OXR1: variants seen among roughly 807,000 people sequenced by gnomAD.
OXR1 encodes the protein oxidation resistance 1, also known as oxidation resistance protein 1.
In OXR1, 41 loss-of-function variants were observed where a neutral mutation model predicts 104.6. That is an observed-to-expected ratio of 0.39 (90% CI 0.31 to 0.51). The LOEUF (loss-of-function observed/expected upper bound fraction) is 0.51, where lower values mean the gene tolerates loss of function less well. Ranked by LOEUF, OXR1 falls within the 20% of genes least tolerant of loss-of-function variation. The pLI is 0.77. For missense variants in OXR1, 955 were observed against 1,031.9 expected (o/e 0.93, Z 1.02); for synonymous variants, 348 against 348.4 (o/e 1.00, Z 0.01).
intron 2 of OXR1, among the ~76,000 whole-genome samples, chr8:106,376,286 C>G (rs202247687): frequency 6.6e-6 from 1 of 152,200 alleles, no homozygotes; most frequent in Non-Finnish European, 1.5e-5. Context: ...GGAGGAATAT[C>G]CTCAGATTCA....
At chr8:106,534,416 G>T (rs570451098) in intron 3 of OXR1, among the ~76,000 whole-genome samples, 8 of 152,278 alleles carry the variant, frequency 5.3e-5, no homozygotes, top group African/African-American at 9.6e-5. Flanking sequence ...GTAAGAAAAA[G>T]AATATGGATA....
intron 1 of OXR1, among the ~76,000 whole-genome samples, chr8:106,292,138 C>T (rs1257875197): frequency 6.6e-6 from 1 of 152,140 alleles, no homozygotes; most frequent in Non-Finnish European, 1.5e-5. Flanking sequence ...CCTCAGTTAT[C>T]ATATCTATTG....
intron 3 of OXR1, among the ~76,000 whole-genome samples, chr8:106,614,823 G>A (rs1226825298): frequency 6.6e-6 from 1 of 152,174 alleles, no homozygotes; most frequent in African/African-American, 2.4e-5. Flanking sequence ...GGCAGTGTGT[G>A]TGTGTATGGT....
At chr8:106,609,343 C>CTA (rs1379507839) in intron 3 of OXR1, among the ~76,000 whole-genome samples, 1 of 152,110 alleles carries the variant, frequency 6.6e-6, no homozygotes, top group Non-Finnish European at 1.5e-5. Context: ...AAAGCAAGTG[C>CTA]TATATACACA....
chr8:106,592,811 C>T (rs1277727469), intron 3 of OXR1, among the ~76,000 whole-genome samples: 1 of 152,078 alleles, frequency 6.6e-6, no homozygotes, highest in Non-Finnish European at 1.5e-5. Context: ...ATCAGAGCAC[C>T]AACCTGATTT....
intron 2 of OXR1, among the ~76,000 whole-genome samples, chr8:106,381,218 C>T (rs1817136192): frequency 6.6e-6 from 1 of 152,070 alleles, no homozygotes; most frequent in Non-Finnish European, 1.5e-5. Flanking sequence ...TTATTGGTGA[C>T]ACAGTTTCTC....
At chr8:106,600,451 GAGCAATTCCAGTTGCA>G (rs1262555007) in intron 3 of OXR1, among the ~76,000 whole-genome samples, 3 of 152,094 alleles carry the variant, frequency 2.0e-5, no homozygotes, top group African/African-American at 7.2e-5. Context: ...GCTTCTGTTT[GAGCAATTCCAGTTGCA>G]AGAATTTTGG....
intron 3 of OXR1, among the ~76,000 whole-genome samples, chr8:106,660,387 CTT>C (rs1453275766): frequency 6.6e-6 from 1 of 152,204 alleles, no homozygotes. Context: ...TCTTTCTACT[CTT>C]ATTTCAGTTT....
intron 2 of OXR1, among the ~76,000 whole-genome samples, chr8:106,396,621 C>T (rs1253441749): frequency 6.6e-6 from 1 of 151,922 alleles, no homozygotes; most frequent in Non-Finnish European, 1.5e-5. Context: ...TGGAATGGAC[C>T]CTCAGACAGT....
intron 2 of OXR1, among the ~76,000 whole-genome samples, chr8:106,517,034 T>C (rs1812905838): frequency 6.6e-6 from 1 of 152,168 alleles, no homozygotes; most frequent in Non-Finnish European, 1.5e-5. Context: ...TAAAAGTCAA[T>C]TTCTCATGAA....
intron 3 of OXR1, among the ~76,000 whole-genome samples, chr8:106,579,032 C>A (rs1290383153): frequency 6.8e-6 from 1 of 147,808 alleles, no homozygotes; most frequent in Non-Finnish European, 1.5e-5. Context: ...CCAATACCAC[C>A]TTCTTTATTG....
chr8:106,603,386 A>G (rs1333496934), intron 3 of OXR1, among the ~76,000 whole-genome samples: 2 of 152,218 alleles, frequency 1.3e-5, no homozygotes, highest in Non-Finnish European at 2.9e-5. Flanking sequence ...ATATAAAATA[A>G]AAAGCAAAAA....
rs1459798170 is a variant in OXR1 at position 106,692,886 on chromosome 8, TGACACTTTA to T, written c.675+12_675+20del. 1 of 1,582,466 alleles carries T rather than the reference TGACACTTTA, an allele frequency of 6.3e-7. No individual in the cohort carries two copies. The highest frequency in any genetic ancestry group is 1.4e-5 in the African/African-American group (1 of 73,814). On this transcript the variant is annotated intron_variant, in intron 7 of 16. Coordinates refer to ENST00000517566, the MANE Select transcript of OXR1 (RefSeq NM_001198533.2). ...ATATTACCAGTGGCAAGGTAAAGAA[TGACACTTTA>T]GAGAAGACCTTTAATCATGCTTTAG...
intron 2 of OXR1, among the ~76,000 whole-genome samples, chr8:106,361,921 A>G (rs962818567): frequency 2.8e-4 from 42 of 152,194 alleles, no homozygotes; most frequent in African/African-American, 9.9e-4. Context: ...GTTGTGGAAA[A>G]CTACATGGGA....
At chr8:106,536,907 A>G (rs1284875522) in intron 3 of OXR1, among the ~76,000 whole-genome samples, 2 of 152,210 alleles carry the variant, frequency 1.3e-5, no homozygotes, top group Non-Finnish European at 2.9e-5. Context: ...TCAAATCCAC[A>G]ACATTATCTG....
At chr8:106,420,134 A>C (rs1818844846) in intron 2 of OXR1, among the ~76,000 whole-genome samples, 1 of 152,280 alleles carries the variant, frequency 6.6e-6, no homozygotes, top group South Asian at 2.1e-4. Context: ...TATGAGAGAA[A>C]TTTAACATAT....
At chr8:106,367,364 A>G (rs1279640896) in intron 2 of OXR1, among the ~76,000 whole-genome samples, 2 of 152,056 alleles carry the variant, frequency 1.3e-5, no homozygotes, top group East Asian at 3.9e-4. Context: ...CGCCCGATCT[A>G]TGTTCCACTT....
At chr8:106,717,884 A>AT (rs1036389615) in intron 11 of OXR1, among the ~76,000 whole-genome samples, 38 of 151,392 alleles carry the variant, frequency 2.5e-4, no homozygotes, top group East Asian at 1.2e-3. Flanking sequence ...TGTCATTTAC[A>AT]TTTTTTTTTG....
In OXR1 at chr8:106,692,709, C is replaced by CT; in HGVS notation, c.526-16dup. 3.6e-6 allele frequency: 5 copies of CT among 1,378,904 alleles called. No individual in the cohort carries two copies. The highest frequency in any genetic ancestry group is 2.5e-5 in the East Asian group (1 of 39,584). 85.4% of individuals were successfully genotyped at this position (1,378,904 alleles called of 1,614,324 possible). A position where few individuals can be genotyped will look rare whatever the true frequency, so the allele number is the denominator to read the frequency against. On this transcript the variant is annotated intron_variant, in intron 6 of 16. Coordinates refer to ENST00000517566, the MANE Select transcript of OXR1 (RefSeq NM_001198533.2). Reference sequence around the variant, plus strand: ...TGTTTTCTGCTTTTTTTTTTCTTTCCTTTAAAAAAAAAAAAAAGAATCCTG... The same window carrying CT: ...TGTTTTCTGCTTTTTTTTTTCTTTCCTTTTAAAAAAAAAAAAAAGAATCCTG...
Sources: gnomAD v4.1 joint callset for allele counts (sites outside exome capture counted in the v4.1 genomes callset) on GRCh38, gnomAD v4.1.1 for gene constraint, MANE v1.5 for transcripts, NCBI Gene and HGNC (gene_info 2026-07-23, HGNC 2026-07-21) for gene names.